The following VPS33A variants were observed in gnomAD, a reference collection of about 807,000 sequenced individuals.
VPS33A encodes the protein VPS33A core subunit of CORVET and HOPS complexes.
In VPS33A, 32 loss-of-function variants were observed where a neutral mutation model predicts 71.8. That is an observed-to-expected ratio of 0.45 (90% CI 0.34 to 0.60). The LOEUF (loss-of-function observed/expected upper bound fraction) is 0.60. Among genes scored for constraint, VPS33A ranks in the 20% least tolerant of loss-of-function variants. The probability of loss-of-function intolerance (pLI) is 0.02; values close to 1 mark genes in which losing one functional copy is unlikely to be tolerated. For synonymous variants in VPS33A, 311 were observed against 292.7 expected, an observed-to-expected ratio of 1.06 and a Z score of -0.64; for missense variants, 625 against 748.5, an observed-to-expected ratio of 0.84 and a Z score of 1.92.
chr12:122,265,846 G>A (rs982173835), intron 1 of VPS33A: 11 of 379,898 alleles, frequency 2.9e-5, no homozygotes, highest in Non-Finnish European at 5.5e-5. Flanking sequence ...TAGGAGGCCA[G>A]GTTAAAAGCC....
rs68026867 is a variant in VPS33A, at chr12:122,238,996, TACACACACAC to T, written c.1165-282_1165-273del. 0.25 allele frequency among the ~76,000 whole-genome samples: 33,980 copies of T among 137,064 alleles called. 4,734 individuals are homozygous for T. The highest frequency in any genetic ancestry group is 0.63 in the East Asian group (3,112 of 4,940). 89.9% of individuals were successfully genotyped at this position (137,064 alleles called of 152,430 possible). A position where few individuals can be genotyped will look rare whatever the true frequency, so the allele number is the denominator to read the frequency against. ...CACACCCCACACACACATACATACA[TACACACACAC>T]ACACACACACACACACCCCCCAGTG... On this transcript the variant is annotated intron_variant, in intron 9 of 12. Transcript: ENST00000267199.
In VPS33A at chr12:122,236,373, C is replaced by A. The variant is rs140342460; in HGVS notation, c.1303-450G>T. On this transcript the variant is annotated intron_variant, in intron 10 of 12. Coordinates refer to ENST00000267199, the MANE Select transcript of VPS33A (RefSeq NM_022916.6). ...AGTAGCCAAGGTCTGGGCATGCTGG[C>A]TCACACCTGTAATCCCAGTACTTTG... Among the ~76,000 whole-genome samples the A allele has an allele frequency of 7.9e-3, 1,205 of 152,260 alleles. 17 individuals carry two copies. The highest frequency in any genetic ancestry group is 0.05 in the South Asian group (243 of 4,824).
chr12:122,261,267 T>C lies in VPS33A; in HGVS notation c.477A>G (p.Ala159=), dbSNP rs572779301. 6.0e-5 allele frequency: 96 copies of C among 1,597,740 alleles called. No homozygotes were observed. In the Admixed American group the frequency reaches 1.1e-3, roughly 19 times the overall value. The part of the protein sequence containing the change: ...GDLLSMESEG[A]FKECYLEGDQ... ...AAGGAAATGCCAAACTTACTTTGAA[T>C]GCACCCTCTGATTCCATGGATAAGA... The change falls in exon 4 of 13, where the codon GCA becomes GCG. Residue 159 remains alanine (A), a synonymous_variant. Coordinates refer to ENST00000267199, the MANE Select transcript of VPS33A (RefSeq NM_022916.6).
At chr12:122,250,304 T>C (rs1954826001) in intron 5 of VPS33A, 1 of 408,694 alleles carries the variant, frequency 2.4e-6, no homozygotes, top group East Asian at 4.1e-5. Flanking sequence ...TTATGTTCTA[T>C]GAAGTCACTG....
rs574080685 is a variant in VPS33A at position 122,239,696 on chromosome 12, A to C, written c.1164+182T>G. Reference sequence around the variant, plus strand: ...CAGTGAGCAGAGATGGCGCCACTGCACTCCAGCCTGGGCAACAGAGCAAGC... The same window carrying C: ...CAGTGAGCAGAGATGGCGCCACTGCCCTCCAGCCTGGGCAACAGAGCAAGC... On this transcript the variant is annotated intron_variant, in intron 9 of 12. Transcript: ENST00000267199. Among the ~76,000 whole-genome samples, 26 of 131,448 alleles carry C rather than the reference A, an allele frequency of 2.0e-4. 1 individual carries two copies. The highest frequency in any genetic ancestry group is 5.1e-3 in the Middle Eastern group (1 of 196). 86.2% of individuals were successfully genotyped at this position (131,448 alleles called of 152,430 possible).
intron 11 of VPS33A, 98 bp downstream of exon 11, chr12:122,235,688 A>G (rs1424628676): frequency 7.6e-6 from 11 of 1,446,986 alleles, no homozygotes; most frequent in Non-Finnish European, 1.0e-5. Flanking sequence ...AATTGTTTTC[A>G]GAAAGCAAGG....
intron 4 of VPS33A, among the ~76,000 whole-genome samples, chr12:122,251,658 GC>G (rs891491458): frequency 4.0e-5 from 6 of 151,816 alleles, no homozygotes; most frequent in Non-Finnish European, 7.4e-5. Context: ...CTCCAACTCA[GC>G]AAACTATCAC....
chr12:122,234,764 T>C (rs1226386223), intron 11 of VPS33A, among the ~76,000 whole-genome samples: 3 of 151,936 alleles, frequency 2.0e-5, no homozygotes, highest in Non-Finnish European at 4.4e-5. Context: ...AACTGGAGAG[T>C]GGGCAGCAGT....
intron 4 of VPS33A, among the ~76,000 whole-genome samples, chr12:122,259,243 G>C (rs1295884288): frequency 1.3e-5 from 2 of 150,236 alleles, no homozygotes; most frequent in African/African-American, 2.5e-5. Flanking sequence ...TTTTGAGACA[G>C]AGTTTCACTC....
chr12:122,250,877 A>C (rs1371180295), intron 5 of VPS33A, 106 bp downstream of exon 5: 1 of 818,220 alleles, frequency 1.2e-6, no homozygotes, highest in Non-Finnish European at 2.0e-6. Context: ...CAGTATTCAT[A>C]AATAATTAAG....
chr12:122,266,173 A>C, intron 1 of VPS33A, 134 bp downstream of exon 1: 2 of 1,322,910 alleles, frequency 1.5e-6, no homozygotes, highest in Non-Finnish European at 2.0e-6. Context: ...GGGTGCAGGT[A>C]AAAGGGCCCT....
intron 9 of VPS33A, among the ~76,000 whole-genome samples, chr12:122,239,159 A>G (rs976401016): frequency 6.6e-6 from 1 of 152,218 alleles, no homozygotes; most frequent in Non-Finnish European, 1.5e-5. Flanking sequence ...CCATTTCAAT[A>G]GTATCAACAA....
Position 122,263,588 on chromosome 12 carries a change from C to T in VPS33A, c.280G>A (p.Ala94Thr), listed in dbSNP as rs754573666. 7.5e-6 allele frequency: 12 copies of T among 1,605,250 alleles called. No individual in the cohort carries two copies. In the South Asian group the frequency reaches 7.8e-5, roughly 10 times the overall value. ...RPRLELMDIIAENVLSEDRRG... is the reference protein window; with the variant it reads ...RPRLELMDIITENVLSEDRRG... ...CTGAGATACCTGAGCACGTTTTCAG[C>T]GATTATATCCATCAACTCTAGCCTG... The change falls in exon 3 of 13, where the codon GCT becomes ACT. Residue 94 changes from alanine to threonine, a missense_variant. Ala to Thr is a moderately conservative substitution (Grantham distance 58). Coordinates refer to ENST00000267199, the MANE Select transcript of VPS33A (RefSeq NM_022916.6).
intron 8 of VPS33A, among the ~76,000 whole-genome samples, chr12:122,240,466 T>C (rs1239943518): frequency 2.0e-5 from 3 of 152,154 alleles, no homozygotes; most frequent in Admixed American, 6.6e-5. Context: ...AGTCGACAAG[T>C]GCACTCTTTT....
rs756238233 is a variant in VPS33A at position 122,239,859 on chromosome 12, G to T, written c.1164+19C>A. 3.1e-6 allele frequency: 5 copies of T among 1,588,044 alleles called. No individual in the cohort carries two copies. The highest frequency in any genetic ancestry group is 3.4e-6 in the Non-Finnish European group (4 of 1,163,132). On this transcript the variant is annotated intron_variant, in intron 9 of 12. Transcript: ENST00000267199. ...TAAGCTTTCAATTACTTGTTAAAGAGGTTTTTTTGTCCACATACCTTATCA... is the reference window on the plus strand; with the variant it reads ...TAAGCTTTCAATTACTTGTTAAAGATGTTTTTTTGTCCACATACCTTATCA...
At chr12:122,235,354 T>A (rs1954615920) in intron 11 of VPS33A, among the ~76,000 whole-genome samples, 1 of 149,312 alleles carries the variant, frequency 6.7e-6, no homozygotes, top group Non-Finnish European at 1.5e-5. Flanking sequence ...AACCTCCGCC[T>A]CCCAGGTTCA....
intron 3 of VPS33A, among the ~76,000 whole-genome samples, chr12:122,262,241 A>T (rs1241635067): frequency 6.6e-6 from 1 of 151,544 alleles, no homozygotes; most frequent in Admixed American, 6.6e-5. Context: ...AGCTGTACCC[A>T]CTCTCTCTCT....
At chr12:122,243,194 A>G (rs1217954633) in intron 7 of VPS33A, among the ~76,000 whole-genome samples, 1 of 152,208 alleles carries the variant, frequency 6.6e-6, no homozygotes, top group Non-Finnish European at 1.5e-5. Flanking sequence ...AGGGTACCAT[A>G]AAGAGGAAAA....
chr12:122,255,876 G>A (rs138062434), intron 4 of VPS33A, among the ~76,000 whole-genome samples: 1,522 of 152,092 alleles, frequency 0.01, 6 homozygotes, highest in Non-Finnish European at 0.015. Context: ...TGATCACAGC[G>A]CCCTGCAGCC....
Sources: gnomAD v4.1 joint callset for allele counts (sites outside exome capture counted in the v4.1 genomes callset) on GRCh38, gnomAD v4.1.1 for gene constraint, MANE v1.5 for transcripts, NCBI Gene and HGNC (gene_info 2026-07-23, HGNC 2026-07-21) for gene names.